Variants in ULK4 observed in about 807,000 individuals in gnomAD.
The protein encoded by ULK4 is inactive serine/threonine-protein kinase ULK4.
In ULK4, 133 loss-of-function variants were observed where a neutral mutation model predicts 160.6. The ratio of observed to expected loss-of-function variants is 0.83; its 90% CI spans 0.72 to 0.96. The LOEUF (loss-of-function observed/expected upper bound fraction) is 0.96, where lower values mean the gene tolerates loss of function less well. ULK4 is among the 40% of genes least tolerant of loss of function. ULK4 has a pLI of 0.00. For synonymous variants in ULK4, 534 were observed against 539.8 expected (o/e 0.99, Z 0.15); for missense variants, 1,580 against 1,499.5 (o/e 1.05, Z -0.89).
chr3:41,837,565 C>CA (rs997509039), intron 17 of ULK4, among the ~76,000 whole-genome samples: 14 of 145,508 alleles, frequency 9.6e-5, no homozygotes, highest in Non-Finnish European at 2.0e-4. Context: ...ATATCAATAA[C>CA]TTTTTTTTTT....
chr3:41,508,480 C>A (rs2085468319), intron 32 of ULK4, among the ~76,000 whole-genome samples: 1 of 152,132 alleles, frequency 6.6e-6, no homozygotes, highest in African/African-American at 2.4e-5. Context: ...GTATCACAGG[C>A]AATGCACTTT....
chr3:41,410,120 T>G (rs2082381066), intron 34 of ULK4, among the ~76,000 whole-genome samples: 1 of 152,200 alleles, frequency 6.6e-6, no homozygotes, highest in Admixed American at 6.5e-5. Context: ...GGAGGCACTC[T>G]GGAAACCAGT....
intron 34 of ULK4, among the ~76,000 whole-genome samples, chr3:41,400,519 C>A (rs917770317): frequency 6.6e-6 from 1 of 152,170 alleles, no homozygotes; most frequent in African/African-American, 2.4e-5. Flanking sequence ...TAGTTCATTT[C>A]TTTTTATTAC....
chr3:41,848,268 C>A (rs1234419088), intron 17 of ULK4, among the ~76,000 whole-genome samples: 2 of 128,700 alleles, frequency 1.6e-5, no homozygotes, highest in Admixed American at 7.0e-5. Flanking sequence ...AAGTAGATTT[C>A]TCATACAGTC....
At chr3:41,873,183 TTATCTCTC>T (rs948375867) in intron 17 of ULK4, among the ~76,000 whole-genome samples, 8 of 151,784 alleles carry the variant, frequency 5.3e-5, no homozygotes, top group East Asian at 1.9e-4. Context: ...AACTAACTTG[TTATCTCTC>T]TATCTCTCTA....
At chr3:41,575,374 C>T (rs1310964250) in intron 31 of ULK4, among the ~76,000 whole-genome samples, 3 of 152,022 alleles carry the variant, frequency 2.0e-5, no homozygotes, top group Non-Finnish European at 2.9e-5. Context: ...CCAACGTGGT[C>T]GGGGCTTCTA....
intron 35 of ULK4, among the ~76,000 whole-genome samples, chr3:41,349,542 C>T (rs2080868973): frequency 6.6e-6 from 1 of 152,148 alleles, no homozygotes; most frequent in South Asian, 2.1e-4. Flanking sequence ...ATTTTATGGG[C>T]AGACGCATGA....
chr3:41,423,377 T>A (rs1416423403), intron 34 of ULK4, among the ~76,000 whole-genome samples: 1 of 152,104 alleles, frequency 6.6e-6, no homozygotes, highest in African/African-American at 2.4e-5. Context: ...AAGGGAAAAT[T>A]TGCTAGGCAT....
chr3:41,910,583 A>T (rs1004584566), intron 11 of ULK4, among the ~76,000 whole-genome samples: 1 of 151,494 alleles, frequency 6.6e-6, no homozygotes, highest in Non-Finnish European at 1.5e-5. Flanking sequence ...ACAACAGAAC[A>T]AGACTCCATC....
At chr3:41,909,675 A>G (rs1024752834) in intron 11 of ULK4, among the ~76,000 whole-genome samples, 1 of 152,150 alleles carries the variant, frequency 6.6e-6, no homozygotes, top group Non-Finnish European at 1.5e-5. Context: ...AGATCATGCC[A>G]CTGCACTCCA....
intron 34 of ULK4, among the ~76,000 whole-genome samples, chr3:41,438,672 A>AG (rs1265185808): frequency 1.3e-5 from 2 of 151,950 alleles, no homozygotes; most frequent in African/African-American, 4.8e-5. Context: ...ACAAAAAAAA[A>AG]CAAACTTGGC....
chr3:41,772,814 A>G (rs60912768), intron 21 of ULK4, among the ~76,000 whole-genome samples: 25,658 of 151,706 alleles, frequency 0.17, 5,489 homozygotes, highest in African/African-American at 0.51. Flanking sequence ...TGATGCAAAA[A>G]TCCTCAATAA....
intron 21 of ULK4, among the ~76,000 whole-genome samples, chr3:41,780,503 T>C (rs1475021196): frequency 6.6e-6 from 1 of 152,094 alleles, no homozygotes; most frequent in African/African-American, 2.4e-5. Flanking sequence ...ACATTTTCTG[T>C]CAGTTTGTTC....
rs189213442 is a variant in ULK4, at chr3:41,824,615, G to A, written c.1765-5109C>T. 2.0e-4 allele frequency among the ~76,000 whole-genome samples: 31 copies of A among 152,328 alleles called. No individual in the cohort carries two copies. In the East Asian group the frequency reaches 5.8e-3, roughly 28 times the overall value. On this transcript the variant is annotated intron_variant, in intron 18 of 36. Coordinates refer to ENST00000301831, the MANE Select transcript of ULK4 (RefSeq NM_017886.4). ...AACTGCAAGGCAGCAGCGATGCTGGGGGAGGGGTGCCTACCATTGCCGAGG... is the reference window on the plus strand; with the variant it reads ...AACTGCAAGGCAGCAGCGATGCTGGAGGAGGGGTGCCTACCATTGCCGAGG...
In ULK4 at chr3:41,681,498, T is replaced by A. The variant is rs771017497; in HGVS notation, c.2978+10A>T. On this transcript the variant is annotated intron_variant, in intron 29 of 36. Coordinates refer to ENST00000301831, the MANE Select transcript of ULK4 (RefSeq NM_017886.4). ...ACTTCTCTGCATGAATACAACTGCA[T>A]GATACTTACTGGGGAAGTAAGACAT... 2 of 1,613,726 alleles carry A rather than the reference T, an allele frequency of 1.2e-6. No individual in the cohort carries two copies. Among genetic ancestry groups the A allele is most frequent in the Non-Finnish European group, 1.7e-6 (2 of 1,179,874 alleles).
At chr3:41,477,140 A>C (rs1178620511) in intron 32 of ULK4, among the ~76,000 whole-genome samples, 1 of 152,172 alleles carries the variant, frequency 6.6e-6, no homozygotes, top group African/African-American at 2.4e-5. Flanking sequence ...CCCAAGAATT[A>C]TTTTGCATTA....
At chr3:41,391,642 T>C (rs1212831666) in intron 35 of ULK4, among the ~76,000 whole-genome samples, 1 of 151,942 alleles carries the variant, frequency 6.6e-6, no homozygotes, top group Non-Finnish European at 1.5e-5. Flanking sequence ...GTCTCTTTAA[T>C]GACTCTGTAC....
At chr3:41,363,851 C>T (rs1321373460) in intron 35 of ULK4, among the ~76,000 whole-genome samples, 1 of 152,052 alleles carries the variant, frequency 6.6e-6, no homozygotes, top group Non-Finnish European at 1.5e-5. Context: ...AGGTAAACTA[C>T]CATTCAGTTT....
intron 19 of ULK4, among the ~76,000 whole-genome samples, chr3:41,801,356 T>G (rs1266637635): frequency 6.6e-6 from 1 of 152,048 alleles, no homozygotes. Flanking sequence ...ATCAGTGAAC[T>G]GTAGGACGCC....
Sources: allele counts gnomAD v4.1 joint callset (sites outside exome capture counted in the v4.1 genomes callset), GRCh38; gene constraint gnomAD v4.1.1; transcripts MANE v1.5; gene names NCBI Gene and HGNC (gene_info 2026-07-23, HGNC 2026-07-21).